Variants in STK10 observed in about 807,000 individuals in gnomAD.
STK10 encodes serine/threonine-protein kinase 10.
Under a neutral mutation model 113.8 loss-of-function variants are expected in STK10, and 78 were observed. The ratio of observed to expected loss-of-function variants is 0.69; its 90% CI spans 0.57 to 0.83. The LOEUF (loss-of-function observed/expected upper bound fraction) is 0.83, where lower values mean the gene tolerates loss of function less well. STK10 is among the 40% of genes least tolerant of loss of function. STK10 has a pLI of 0.00. For synonymous variants in STK10, 465 were observed against 494.7 expected (o/e 0.94, Z 0.80); for missense variants, 1,109 against 1,280.1 (o/e 0.87, Z 2.04).
chr5:172,084,627 G>T (rs1034075988), intron 10 of STK10, among the ~76,000 whole-genome samples: 3 of 151,760 alleles, frequency 2.0e-5, no homozygotes, highest in Non-Finnish European at 4.4e-5. Flanking sequence ...TGGATTTCTG[G>T]TAGGAAAATG....
chr5:172,186,221 G>A (rs1307495935), intron 1 of STK10, among the ~76,000 whole-genome samples: 1 of 151,534 alleles, frequency 6.6e-6, no homozygotes, highest in East Asian at 1.9e-4. Context: ...TTGCAGTGAG[G>A]GCCGAGATCA....
rs542576059 is a variant in STK10, at chr5:172,066,605, T to C, written c.1990-1793A>G. On this transcript the variant is annotated intron_variant, in intron 12 of 18. Transcript: ENST00000176763. ...AGTTCAAGACCAGCCTTGGGCAACA[T>C]GGTGAAACCCTGTCTCTACTAAAAA... Among the ~76,000 whole-genome samples the C allele has an allele frequency of 3.3e-5, 5 of 152,208 alleles. No homozygotes were observed. The East Asian group carries it at 9.7e-4, about 29-fold the overall frequency.
chr5:172,085,924 T>C lies in STK10; in HGVS notation c.1686-2840A>G, dbSNP rs187496634. ...CCTTCCTCATGACTCGGAGGGGCCA[T>C]AACTGCTCACAGAACTGCCCCCCAA... is the stretch of plus-strand genomic sequence containing the variant. On this transcript the variant is annotated intron_variant, in intron 10 of 18. Transcript: ENST00000176763. Among the ~76,000 whole-genome samples the C allele has an allele frequency of 5.9e-5, 9 of 151,988 alleles. No homozygotes were observed. In the East Asian group the frequency reaches 1.8e-3, roughly 30 times the overall value.
chr5:172,164,773 T>G (rs575180112), intron 1 of STK10, among the ~76,000 whole-genome samples: 10 of 151,662 alleles, frequency 6.6e-5, no homozygotes, highest in African/African-American at 2.4e-4. Flanking sequence ...CACGTGGGAG[T>G]TGGCAGGCAA....
intron 2 of STK10, among the ~76,000 whole-genome samples, chr5:172,152,663 G>A (rs1273046557): frequency 6.6e-6 from 1 of 152,162 alleles, no homozygotes; most frequent in East Asian, 1.9e-4. Context: ...CTGAGACTTG[G>A]TTCAGTTACT....
intron 1 of STK10, among the ~76,000 whole-genome samples, chr5:172,158,535 G>C (rs148048975): frequency 0.046 from 7,035 of 152,136 alleles, 550 homozygotes; most frequent in African/African-American, 0.16. Flanking sequence ...GCTGAGGCAG[G>C]AGAATCACTT....
intron 7 of STK10, among the ~76,000 whole-genome samples, chr5:172,101,332 G>A (rs577690759): frequency 1.2e-4 from 19 of 152,102 alleles, no homozygotes; most frequent in Admixed American, 3.3e-4. Context: ...TTACCCAGGC[G>A]TGGTGGTGCA....
chr5:172,134,065 G>C (rs1769806850), intron 2 of STK10, among the ~76,000 whole-genome samples: 1 of 152,140 alleles, frequency 6.6e-6, no homozygotes, highest in South Asian at 2.1e-4. Flanking sequence ...CTGGACCCCT[G>C]GTCACACTTT....
chr5:172,068,809 C>T (rs1251870450), intron 12 of STK10, among the ~76,000 whole-genome samples: 1 of 151,456 alleles, frequency 6.6e-6, no homozygotes, highest in Non-Finnish European at 1.5e-5. Flanking sequence ...TGCTTGAACC[C>T]AGGAGGCAGA....
chr5:172,046,780 C>T (rs765290462), intron 18 of STK10, among the ~76,000 whole-genome samples: 2 of 152,210 alleles, frequency 1.3e-5, no homozygotes, highest in Non-Finnish European at 2.9e-5. Flanking sequence ...CACAGACAAT[C>T]TGTAAATGAA....
chr5:172,136,388 G>A (rs890456680), intron 2 of STK10, among the ~76,000 whole-genome samples: 1 of 152,166 alleles, frequency 6.6e-6, no homozygotes, highest in Non-Finnish European at 1.5e-5. Flanking sequence ...GTGAGGTCAG[G>A]AGTTCGAGAC....
At chr5:172,121,919 G>A (rs982151695) in intron 3 of STK10, among the ~76,000 whole-genome samples, 54 of 150,494 alleles carry the variant, frequency 3.6e-4, no homozygotes, top group Non-Finnish European at 6.0e-4. Flanking sequence ...AGGCTGGAAT[G>A]CAGTGGCGTG....
intron 1 of STK10, among the ~76,000 whole-genome samples, chr5:172,165,614 G>C (rs895259456): frequency 1.7e-5 from 2 of 114,640 alleles, no homozygotes; most frequent in Non-Finnish European, 3.5e-5. Flanking sequence ...ATTCATAGCG[G>C]GTTGACCTCA....
chr5:172,053,735 T>C (rs1767683771), intron 17 of STK10, among the ~76,000 whole-genome samples: 1 of 152,166 alleles, frequency 6.6e-6, no homozygotes, highest in South Asian at 2.1e-4. Context: ...TAGAATCCTT[T>C]GGGAGATTTT....
intron 10 of STK10, among the ~76,000 whole-genome samples, chr5:172,089,654 AG>A (rs1768652357): frequency 6.6e-6 from 1 of 152,226 alleles, no homozygotes; most frequent in Middle Eastern, 3.4e-3. Context: ...CGGCAGATGA[AG>A]GGAAGGATGG....
chr5:172,176,761 C>G (rs748711832), intron 1 of STK10, among the ~76,000 whole-genome samples: 1 of 152,172 alleles, frequency 6.6e-6, no homozygotes, highest in African/African-American at 2.4e-5. Flanking sequence ...TGCTATGGTC[C>G]GAGTGTCTGT....
chr5:172,174,936 C>T (rs1264462105), intron 1 of STK10, among the ~76,000 whole-genome samples: 1 of 152,222 alleles, frequency 6.6e-6, no homozygotes, highest in African/African-American at 2.4e-5. Flanking sequence ...TAAAGTCCCT[C>T]CTCGTCCCCA....
chr5:172,091,237 G>A (rs1345001330), intron 9 of STK10, among the ~76,000 whole-genome samples: 1 of 152,180 alleles, frequency 6.6e-6, no homozygotes. Flanking sequence ...AAAATCCAAA[G>A]GAGCCCGAAA....
chr5:172,164,137 G>A (rs912692705), intron 1 of STK10, among the ~76,000 whole-genome samples: 2 of 151,166 alleles, frequency 1.3e-5, no homozygotes, highest in South Asian at 2.1e-4. Context: ...ACTTGAACCC[G>A]GGAGGCGGAG....
Sources: gnomAD v4.1 joint callset for allele counts (sites outside exome capture counted in the v4.1 genomes callset) on GRCh38, gnomAD v4.1.1 for gene constraint, MANE v1.5 for transcripts, NCBI Gene and HGNC (gene_info 2026-07-23, HGNC 2026-07-21) for gene names.